The following MYLIP variants were observed in gnomAD, a reference collection of about 807,000 sequenced individuals.
The protein encoded by MYLIP is myosin regulatory light chain interacting protein, also known as E3 ubiquitin-protein ligase MYLIP.
A neutral mutation model predicts 45.8 loss-of-function variants in MYLIP; 26 were observed. The observed-to-expected ratio is 0.57, with a 90% CI of 0.42 to 0.79. MYLIP has a LOEUF of 0.79. MYLIP is among the 30% of genes least tolerant of loss of function. MYLIP has a pLI of 0.00. For missense variants in MYLIP, 494 were observed against 555.6 expected, an observed-to-expected ratio of 0.89 and a Z score of 1.11; for synonymous variants, 213 against 218.1, an observed-to-expected ratio of 0.98 and a Z score of 0.21.
At chr6:16,149,453 C>T (rs1027512003), downstream of MYLIP, among the ~76,000 whole-genome samples, 14 of 152,248 alleles carry the variant, frequency 9.2e-5, no homozygotes, top group Non-Finnish European at 1.8e-4. Context: ...CTGAGCAGAT[C>T]CTTGACATTC....
Position 16,147,511 on chromosome 6 carries a change from T to A in MYLIP, c.*760T>A, listed in dbSNP as rs1759818530. The A allele has an allele frequency of 6.6e-6, 1 of 152,280 alleles. No homozygotes were observed. 9.4% of individuals were successfully genotyped at this position (152,280 alleles called of 1,614,324 possible). On this transcript the variant is annotated 3_prime_UTR_variant, in exon 7 of 7. Transcript: ENST00000356840. ...CAAGTACTCCCCGGGCCTTCTGAGC[T>A]GGTGGAATATTTTATTTCAGACTGA... is the stretch of plus-strand genomic sequence containing the variant.
the MYLIP span, among the ~76,000 whole-genome samples, chr6:16,159,995 C>T: frequency 6.6e-6 from 1 of 152,196 alleles, no homozygotes; most frequent in Non-Finnish European, 1.5e-5. Flanking sequence ...AATATGCTGT[C>T]CCTAGCTCCC....
In MYLIP at chr6:16,147,590, T is replaced by C. The variant is rs1192610425; in HGVS notation, c.*839T>C. 1 of 152,238 alleles carries C rather than the reference T, an allele frequency of 6.6e-6. No homozygotes were observed. The highest frequency in any genetic ancestry group is 1.5e-5 in the Non-Finnish European group (1 of 68,048). 9.4% of individuals were successfully genotyped at this position (152,238 alleles called of 1,614,324 possible). On this transcript the variant is annotated 3_prime_UTR_variant, in exon 7 of 7. Coordinates refer to ENST00000356840, the MANE Select transcript of MYLIP (RefSeq NM_013262.4). ...AAAGCGGAGCTTGCTGAGTGAGAGA[T>C]GGAGCCTCATGGTGTACAACTGAGG...
chr6:16,153,583 A>G, the MYLIP span, among the ~76,000 whole-genome samples: 1 of 152,346 alleles, frequency 6.6e-6, no homozygotes, highest in African/African-American at 2.4e-5. Flanking sequence ...CCCCACTATC[A>G]TGATTATTCA....
chr6:16,133,221 T>C (rs1343268193), intron 2 of MYLIP, among the ~76,000 whole-genome samples: 1 of 152,232 alleles, frequency 6.6e-6, no homozygotes, highest in Non-Finnish European at 1.5e-5. Flanking sequence ...TACATCCTAC[T>C]TGAAGGCCTC....
the MYLIP span, among the ~76,000 whole-genome samples, chr6:16,160,447 A>G: frequency 6.6e-6 from 1 of 152,126 alleles, no homozygotes; most frequent in South Asian, 2.1e-4. Flanking sequence ...CGGGAATTCG[A>G]TTCCTCCTGT....
intron 5 of MYLIP, 29 bp from the exon 6 acceptor site, chr6:16,144,868 T>G (rs1235036372): frequency 1.9e-6 from 3 of 1,589,822 alleles, no homozygotes; most frequent in Admixed American, 3.5e-5. Flanking sequence ...TCTTTGGTGT[T>G]AAAGTAGATG....
intron 2 of MYLIP, among the ~76,000 whole-genome samples, chr6:16,135,743 G>GTATA (rs1159042665): frequency 1.1e-5 from 1 of 94,926 alleles, no homozygotes; most frequent in African/African-American, 3.9e-5. Flanking sequence ...ATATGTGTGT[G>GTATA]TATACATATA....
intron 2 of MYLIP, among the ~76,000 whole-genome samples, chr6:16,138,159 C>T (rs551657144): frequency 6.6e-6 from 1 of 152,132 alleles, no homozygotes; most frequent in East Asian, 1.9e-4. Flanking sequence ...CAGTTTTTTT[C>T]CAAAGGCTTT....
chr6:16,145,269 T>C lies in MYLIP; in HGVS notation c.1200T>C (p.Cys400=). 1 of 1,610,858 alleles carries C rather than the reference T, an allele frequency of 6.2e-7. No homozygotes were observed. The highest frequency in any genetic ancestry group is 1.7e-4 in the Middle Eastern group (1 of 5,996). ...AGGAGGAGATCAACTCCACCTTCTGTCCCTGTGGCCACACTGTGTGCTGTG... is the reference window on the plus strand; with the variant it reads ...AGGAGGAGATCAACTCCACCTTCTGCCCCTGTGGCCACACTGTGTGCTGTG... ...CCEEEINSTF[C]PCGHTVCCES... is the part of the protein sequence containing the mutation. The change falls in exon 6 of 7, where the codon TGT becomes TGC. Residue 400 remains cysteine, a synonymous_variant. Transcript: ENST00000356840.
At chr6:16,143,364 G>T in intron 4 of MYLIP, 147 bp downstream of exon 4, 7 of 827,138 alleles carry the variant, frequency 8.5e-6, no homozygotes, top group East Asian at 5.3e-5. Flanking sequence ...TTTTATTCAG[G>T]CCTAAATAAC....
At chr6:16,131,067 TGACTGACTTCCTG>T (rs1759450883) in intron 2 of MYLIP, among the ~76,000 whole-genome samples, 1 of 146,030 alleles carries the variant, frequency 6.8e-6, no homozygotes. Flanking sequence ...CCTACCCGAG[TGACTGACTTCCTG>T]ATAGCAGCAT....
At position 16,131,553 on chromosome 6, in the gene MYLIP, T is replaced by G. The variant is rs78236759; in HGVS notation, c.278+806T>G. Among the ~76,000 whole-genome samples, 536 of 152,348 alleles carry G rather than the reference T, an allele frequency of 3.5e-3. 1 individual carries two copies. Among genetic ancestry groups the G allele is most frequent in the African/African-American group, 0.012 (509 of 41,576 alleles). On this transcript the variant is annotated intron_variant, in intron 2 of 6. Coordinates refer to ENST00000356840, the MANE Select transcript of MYLIP (RefSeq NM_013262.4). ...TATTGAAAGGCAGGAGACTTCAATC[T>G]TACAGTGGCATATCAAAAAATTAAA... is the stretch of plus-strand genomic sequence containing the variant.
At chr6:16,141,531 G>T in intron 2 of MYLIP, 94 bp from the exon 3 acceptor site, 1 of 1,167,184 alleles carries the variant, frequency 8.6e-7, no homozygotes, top group Non-Finnish European at 1.2e-6. Context: ...TTTTAAAATT[G>T]CTTTCCTTAA....
chr6:16,150,624 G>A (rs1581611867), downstream of MYLIP, among the ~76,000 whole-genome samples: 1 of 152,116 alleles, frequency 6.6e-6, no homozygotes, highest in Non-Finnish European at 1.5e-5. Flanking sequence ...AAGACCAGGA[G>A]TTCAAGAAGA....
the MYLIP span, among the ~76,000 whole-genome samples, chr6:16,154,687 C>T: frequency 6.6e-6 from 1 of 152,170 alleles, no homozygotes; most frequent in East Asian, 1.9e-4. Flanking sequence ...TTTTGCTTTG[C>T]TTTTAAGGAG....
At position 16,129,495 on chromosome 6, in the gene MYLIP, C is replaced by A; in HGVS notation, c.87+86C>A. On this transcript the variant is annotated intron_variant, in intron 1 of 6. Coordinates refer to ENST00000356840, the MANE Select transcript of MYLIP (RefSeq NM_013262.4). The surrounding 1 kb of genome is among the most constrained non-coding windows in gnomAD (Gnocchi z 5.1). Reference sequence around the variant, plus strand: ...CGACGCCTGGCACTCTGGCGCGCCCCCTACTAGGGGCCGGGAGGCACTGCG... The same window carrying A: ...CGACGCCTGGCACTCTGGCGCGCCCACTACTAGGGGCCGGGAGGCACTGCG... 7.4e-7 allele frequency: 1 copy of A among 1,358,888 alleles called. No individual in the cohort carries two copies. 84.2% of individuals were successfully genotyped at this position (1,358,888 alleles called of 1,614,324 possible).
intron 1 of MYLIP, 31 bp from the exon 2 acceptor site, chr6:16,130,526 C>T: frequency 6.2e-7 from 1 of 1,604,696 alleles, no homozygotes. Flanking sequence ...GTACCATTTG[C>T]TCATCCAGGC....
At chr6:16,159,441 C>G in the MYLIP span, among the ~76,000 whole-genome samples, 1 of 152,182 alleles carries the variant, frequency 6.6e-6, no homozygotes, top group Non-Finnish European at 1.5e-5. Flanking sequence ...TGGAACAGGG[C>G]TCAAAAGCTG....
Sources: gnomAD v4.1 joint callset for allele counts (sites outside exome capture counted in the v4.1 genomes callset) on GRCh38, gnomAD v4.1.1 for gene constraint, Gnocchi (gnomAD v3.1) non-coding constraint, MANE v1.5 for transcripts, NCBI Gene and HGNC (gene_info 2026-07-23, HGNC 2026-07-21) for gene names.